Variants in KCNQ1 observed in about 807,000 individuals in gnomAD.
KCNQ1 encodes potassium voltage-gated channel subfamily KQT member 1.
A neutral mutation model predicts 72.4 loss-of-function variants in KCNQ1; 49 were observed. The observed-to-expected ratio is 0.68, with a 90% CI of 0.54 to 0.86. KCNQ1 has a LOEUF of 0.86. KCNQ1 is among the 40% of genes least tolerant of loss of function. The probability of loss-of-function intolerance (pLI) is 0.00; values close to 1 mark genes in which losing one functional copy is unlikely to be tolerated. For synonymous variants in KCNQ1, 450 were observed against 412.6 expected, an observed-to-expected ratio of 1.09 and a Z score of -1.10; for missense variants, 790 against 945.1, an observed-to-expected ratio of 0.84 and a Z score of 2.15.
At position 2,671,067 on chromosome 11, in the gene KCNQ1, G is replaced by A. The variant is rs1850174947; in HGVS notation, c.1514+8986G>A. On this transcript the variant is annotated intron_variant, in intron 11 of 15. Transcript: ENST00000155840. This position sits in a 1 kb window ranked among gnomAD's most constrained non-coding sequence, Gnocchi z 4.7. ...GTATCTGAGGCACACATCCTTGGTA[G>A]TGACTGGCTAGCAGGAGGAAGTCTG... is the stretch of plus-strand genomic sequence containing the variant. The A allele has an allele frequency of 2.5e-6, 1 of 398,678 alleles. No homozygotes were observed. The highest frequency in any genetic ancestry group is 4.4e-6 in the Non-Finnish European group (1 of 226,110). 24.7% of individuals were successfully genotyped at this position (398,678 alleles called of 1,614,324 possible).
chr11:2,699,908 G>A (rs967397109), intron 11 of KCNQ1: 1 of 398,036 alleles, frequency 2.5e-6, no homozygotes, highest in Non-Finnish European at 4.4e-6. Flanking sequence ...GAGGCACCCC[G>A]GCAGAATCGC....
chr11:2,825,390 G>C (rs1847818179), intron 15 of KCNQ1, among the ~76,000 whole-genome samples: 2 of 152,228 alleles, frequency 1.3e-5, no homozygotes. Context: ...GGCGTTTCCT[G>C]TGGGAAGGTG....
chr11:2,523,408 C>T (rs2133640266), intron 1 of KCNQ1, among the ~76,000 whole-genome samples: 1 of 152,268 alleles, frequency 6.6e-6, no homozygotes, highest in African/African-American at 2.4e-5. Context: ...CCATGTTGGC[C>T]AGACTGGTCT....
At chr11:2,756,951 TAAA>T (rs58284663) in intron 11 of KCNQ1, among the ~76,000 whole-genome samples, 520 of 50,890 alleles carry the variant, frequency 0.01, 3 homozygotes, top group East Asian at 0.052. Context: ...AAGAGCATCT[TAAA>T]AAAAAAAAAA....
intron 11 of KCNQ1, among the ~76,000 whole-genome samples, chr11:2,760,571 C>A (rs1846377267): frequency 6.6e-6 from 1 of 152,142 alleles, no homozygotes; most frequent in Admixed American, 6.5e-5. Flanking sequence ...GTCCATCCGC[C>A]CTTCAGTAGG....
rs1203172573 is a variant in KCNQ1 at position 2,473,507 on chromosome 11, C to T, written c.386+28023C>T. ...TGCTGGGAAATCCAAGGGGCAAGGC[C>T]GTTTCCCGTCCTGGTCCGTCGTTGA... On this transcript the variant is annotated intron_variant, in intron 1 of 15. Transcript: ENST00000155840. This position sits in a 1 kb window ranked among gnomAD's most constrained non-coding sequence, Gnocchi z 6.0. 6.6e-6 allele frequency among the ~76,000 whole-genome samples: 1 copy of T among 152,164 alleles called. No individual in the cohort carries two copies. Among genetic ancestry groups the T allele is most frequent in the Non-Finnish European group, 1.5e-5 (1 of 68,026 alleles).
chr11:2,716,156 A>G (rs1039278318), intron 11 of KCNQ1, among the ~76,000 whole-genome samples: 2 of 152,096 alleles, frequency 1.3e-5, no homozygotes, highest in Admixed American at 6.5e-5. Flanking sequence ...GGCTGTTTGT[A>G]TCACTTAACA....
At chr11:2,672,004 G>A (rs1258214343) in intron 11 of KCNQ1, 1 of 398,510 alleles carries the variant, frequency 2.5e-6, no homozygotes, top group African/African-American at 2.1e-5. Context: ...GTCCTCGAGT[G>A]TATGTTGGGC....
At position 2,567,557 on chromosome 11, in the gene KCNQ1, T is replaced by A. The variant is rs995377915; in HGVS notation, c.478-3071T>A. On this transcript the variant is annotated intron_variant, in intron 2 of 15. Transcript: ENST00000155840. The surrounding 1 kb of genome is among the most constrained non-coding windows in gnomAD (Gnocchi z 6.6). ...TGAGGCTGATGGTGGTGGAGATAGT[T>A]TTATCTCTGAGCAAACATTCCATCT... is the stretch of plus-strand genomic sequence containing the variant. 1.3e-5 allele frequency among the ~76,000 whole-genome samples: 2 copies of A among 152,152 alleles called. No homozygotes were observed. Among genetic ancestry groups the A allele is most frequent in the Non-Finnish European group, 2.9e-5 (2 of 68,018 alleles).
rs1194266136 is a variant in KCNQ1, at chr11:2,462,453, C to T, written c.386+16969C>T. 6.6e-6 allele frequency among the ~76,000 whole-genome samples: 1 copy of T among 152,208 alleles called. No individual in the cohort carries two copies. The highest frequency in any genetic ancestry group is 2.4e-5 in the African/African-American group (1 of 41,454). Reference sequence around the variant, plus strand: ...TGGTTTCTAGAATGCACCATCTCTTCCTGGCATGACGGGAACCACCTGTGA... The same window carrying T: ...TGGTTTCTAGAATGCACCATCTCTTTCTGGCATGACGGGAACCACCTGTGA... On this transcript the variant is annotated intron_variant, in intron 1 of 15. Coordinates refer to ENST00000155840, the MANE Select transcript of KCNQ1 (RefSeq NM_000218.3). The surrounding 1 kb of genome is among the most constrained non-coding windows in gnomAD (Gnocchi z 8.2).
rs1301961396 is a variant in KCNQ1 at position 2,724,254 on chromosome 11, A to G, written c.1515-44590A>G. On this transcript the variant is annotated intron_variant, in intron 11 of 15. Transcript: ENST00000155840. This position sits in a 1 kb window ranked among gnomAD's most constrained non-coding sequence, Gnocchi z 6.8. Reference sequence around the variant, plus strand: ...CGGCTCAGGACCCCTTTGCGGTGTCACCTTTCGGCATGTAACCACTTATTC... The same window carrying G: ...CGGCTCAGGACCCCTTTGCGGTGTCGCCTTTCGGCATGTAACCACTTATTC... Among the ~76,000 whole-genome samples, 1 of 152,144 alleles carries G rather than the reference A, an allele frequency of 6.6e-6. No homozygotes were observed. Among genetic ancestry groups the G allele is most frequent in the East Asian group, 1.9e-4 (1 of 5,190 alleles).
intron 6 of KCNQ1, among the ~76,000 whole-genome samples, chr11:2,574,315 C>T (rs975690297): frequency 7.2e-5 from 11 of 152,194 alleles, no homozygotes; most frequent in Non-Finnish European, 1.0e-4. Context: ...CCTGCCCCCG[C>T]GTCTGCCCTT....
At chr11:2,635,948 G>A (rs1286527683) in intron 10 of KCNQ1, 2 of 152,156 alleles carry the variant, frequency 1.3e-5, no homozygotes, top group Admixed American at 6.5e-5. Flanking sequence ...TGAAGCAATT[G>A]TGAATGGGAG....
rs554562915 is a variant in KCNQ1, at chr11:2,564,152, G to A, written c.478-6476G>A. On this transcript the variant is annotated intron_variant, in intron 2 of 15. Transcript: ENST00000155840. This position sits in a 1 kb window ranked among gnomAD's most constrained non-coding sequence, Gnocchi z 4.5. The stretch of plus-strand genomic sequence containing the variant: ...TCAGCCATTTCAGCCATTTCACAGC[G>A]TGCAATTTGGTGGCATTTAGTATGT... Among the ~76,000 whole-genome samples, 29 of 152,316 alleles carry A rather than the reference G, an allele frequency of 1.9e-4. No homozygotes were observed. Among genetic ancestry groups the A allele is most frequent in the South Asian group, 4.1e-4 (2 of 4,828 alleles).
chr11:2,715,532 C>A lies in KCNQ1; in HGVS notation c.1515-53312C>A, dbSNP rs1851078346. Among the ~76,000 whole-genome samples, 1 of 152,090 alleles carries A rather than the reference C, an allele frequency of 6.6e-6. No homozygotes were observed. Among genetic ancestry groups the A allele is most frequent in the African/African-American group, 2.4e-5 (1 of 41,410 alleles). On this transcript the variant is annotated intron_variant, in intron 11 of 15. Transcript: ENST00000155840. This position sits in a 1 kb window ranked among gnomAD's most constrained non-coding sequence, Gnocchi z 4.9. Reference sequence around the variant, plus strand: ...GCAGCCAGGTAGACTTCGTTTCCAGCCGGAGTGTACCTGGGGATGCCTGTG... The same window carrying A: ...GCAGCCAGGTAGACTTCGTTTCCAGACGGAGTGTACCTGGGGATGCCTGTG...
intron 1 of KCNQ1, among the ~76,000 whole-genome samples, chr11:2,511,592 G>C (rs368938519): frequency 6.6e-6 from 1 of 152,206 alleles, no homozygotes; most frequent in Non-Finnish European, 1.5e-5. Flanking sequence ...TGCCAGAGCT[G>C]GGCTCCTGTT....
rs1364001498 is a variant in KCNQ1, at chr11:2,813,334, A to G, written c.1795-34433A>G. ...TCAAGGGCATCTGCCCTGTGTCCTC[A>G]TGCACCTCCATTCAGGGAACCTGGG... On this transcript the variant is annotated intron_variant, in intron 15 of 15. Transcript: ENST00000155840. This position sits in a 1 kb window ranked among gnomAD's most constrained non-coding sequence, Gnocchi z 4.4. Among the ~76,000 whole-genome samples the G allele has an allele frequency of 6.6e-6, 1 of 152,088 alleles. No individual in the cohort carries two copies. Among genetic ancestry groups the G allele is most frequent in the Non-Finnish European group, 1.5e-5 (1 of 68,002 alleles).
intron 1 of KCNQ1, among the ~76,000 whole-genome samples, chr11:2,472,945 T>C (rs7122557): frequency 0.56 from 84,674 of 151,300 alleles, 24,717 homozygotes; most frequent in Non-Finnish European, 0.65. Context: ...AGCACCGAGA[T>C]GGGCATGAGC....
chr11:2,464,244 CAA>C lies in KCNQ1; in HGVS notation c.386+18761_386+18762del, dbSNP rs1846320245. Among the ~76,000 whole-genome samples, 1 of 152,178 alleles carries C rather than the reference CAA, an allele frequency of 6.6e-6. No individual in the cohort carries two copies. Among genetic ancestry groups the C allele is most frequent in the Non-Finnish European group, 1.5e-5 (1 of 68,028 alleles). On this transcript the variant is annotated intron_variant, in intron 1 of 15. Transcript: ENST00000155840. The surrounding 1 kb of genome is among the most constrained non-coding windows in gnomAD (Gnocchi z 5.0). ...GTGGAATGGCCCGGACAGCAGATAACAAGCCTTCGTCGTGGTCACCCCTGGGT... is the reference window on the plus strand; with the variant it reads ...GTGGAATGGCCCGGACAGCAGATAACGCCTTCGTCGTGGTCACCCCTGGGT...
Sources: gnomAD v4.1 joint callset for allele counts (sites outside exome capture counted in the v4.1 genomes callset) on GRCh38, gnomAD v4.1.1 for gene constraint, Gnocchi (gnomAD v3.1) non-coding constraint, MANE v1.5 for transcripts, NCBI Gene and HGNC (gene_info 2026-07-23, HGNC 2026-07-21) for gene names.